Variants in E2F3 observed in about 807,000 individuals in gnomAD.
E2F3 encodes the protein transcription factor E2F3.
Under a neutral mutation model 44.4 loss-of-function variants are expected in E2F3, and 11 were observed. The ratio of observed to expected loss-of-function variants is 0.25; its 90% CI spans 0.16 to 0.41. The LOEUF (loss-of-function observed/expected upper bound fraction) is 0.41, where lower values mean the gene tolerates loss of function less well. E2F3 is among the 10% of genes least tolerant of loss of function. The pLI is 1.00. For synonymous variants in E2F3, 249 were observed against 253.0 expected (o/e 0.98, Z 0.15); for missense variants, 487 against 583.6 (o/e 0.83, Z 1.70).
chr6:20,415,217 CAG>C (rs1297399270), intron 1 of E2F3, among the ~76,000 whole-genome samples: 18 of 152,094 alleles, frequency 1.2e-4, no homozygotes, highest in African/African-American at 4.1e-4. Context: ...CATCTGGAGA[CAG>C]GGAGACGACA....
intron 1 of E2F3, among the ~76,000 whole-genome samples, chr6:20,406,905 A>G (rs930705338): frequency 6.6e-6 from 1 of 152,252 alleles, no homozygotes; most frequent in Non-Finnish European, 1.5e-5. Context: ...AATGGAGCAG[A>G]CAAGGCTTCA....
intron 1 of E2F3, among the ~76,000 whole-genome samples, chr6:20,418,860 A>T (rs1012133777): frequency 8.6e-5 from 13 of 151,978 alleles, no homozygotes; most frequent in African/African-American, 3.1e-4. Flanking sequence ...TTGTAAGAAA[A>T]TACTTGTTTT....
At chr6:20,439,095 C>T (rs1423504727) in intron 1 of E2F3, among the ~76,000 whole-genome samples, 2 of 152,050 alleles carry the variant, frequency 1.3e-5, no homozygotes, top group South Asian at 2.1e-4. Context: ...TAAGGTTTTC[C>T]GAAACATTCA....
At chr6:20,475,002 A>G (rs1325381404) in intron 1 of E2F3, among the ~76,000 whole-genome samples, 1 of 152,202 alleles carries the variant, frequency 6.6e-6, no homozygotes, top group Admixed American at 6.5e-5. Context: ...CAGTTTGTAG[A>G]GCCTATAAGT....
rs80068452 is a variant in E2F3, at chr6:20,456,179, G to A, written c.394-23667G>A. ...GATTAGGATGTGAAACTTCAGATACGCTCACAGGCCTTCAAGCCCTAGAAA... is the reference window on the plus strand; with the variant it reads ...GATTAGGATGTGAAACTTCAGATACACTCACAGGCCTTCAAGCCCTAGAAA... On this transcript the variant is annotated intron_variant, in intron 1 of 6. Coordinates refer to ENST00000346618, the MANE Select transcript of E2F3 (RefSeq NM_001949.5). Among the ~76,000 whole-genome samples the A allele has an allele frequency of 6.9e-3, 1,051 of 151,918 alleles. 5 individuals carry two copies. Among genetic ancestry groups the A allele is most frequent in the African/African-American group, 0.023 (971 of 41,436 alleles).
intron 1 of E2F3, among the ~76,000 whole-genome samples, chr6:20,438,767 C>T (rs1324230049): frequency 2.0e-5 from 3 of 152,166 alleles, no homozygotes; most frequent in Non-Finnish European, 4.4e-5. Context: ...GATTTTTAGG[C>T]ATGAATTATC....
rs115266739 is a variant in E2F3, at chr6:20,407,423, G to A, written c.393+4798G>A. ...AGGATTTTTTGTTTTTCTATAAATC[G>A]CCACCTTGTGTATTACTTGGAAGAA... On this transcript the variant is annotated intron_variant, in intron 1 of 6. Transcript: ENST00000346618. Among the ~76,000 whole-genome samples the A allele has an allele frequency of 4.5e-3, 688 of 152,154 alleles. 4 individuals carry two copies. The highest frequency in any genetic ancestry group is 8.6e-3 in the Admixed American group (131 of 15,284).
chr6:20,439,072 G>C (rs764852849), intron 1 of E2F3, among the ~76,000 whole-genome samples: 10 of 152,176 alleles, frequency 6.6e-5, no homozygotes, highest in Non-Finnish European at 1.2e-4. Context: ...AAGAGATTTA[G>C]AAGTTGATGG....
intron 1 of E2F3, among the ~76,000 whole-genome samples, chr6:20,444,644 T>A (rs909982895): frequency 6.6e-6 from 1 of 152,238 alleles, no homozygotes; most frequent in Admixed American, 6.5e-5. Flanking sequence ...GCATGGCTCC[T>A]TTCGTTGCTG....
At chr6:20,412,604 C>A (rs1480820720) in intron 1 of E2F3, among the ~76,000 whole-genome samples, 1 of 139,444 alleles carries the variant, frequency 7.2e-6, no homozygotes, top group Non-Finnish European at 1.5e-5. Context: ...AAGGGCTGGG[C>A]GGGGAGTAGA....
chr6:20,490,561 A>C lies in E2F3; in HGVS notation c.*131A>C. On this transcript the variant is annotated 3_prime_UTR_variant, in exon 7 of 7. Coordinates refer to ENST00000346618, the MANE Select transcript of E2F3 (RefSeq NM_001949.5). The surrounding 1 kb of genome is among the most constrained non-coding windows in gnomAD (Gnocchi z 4.3). ...TATCATGAAGTAAACTACAAACTTC[A>C]GAAGAAAGCTGACATTTTAATGAAT... 1 of 914,082 alleles carries C rather than the reference A, an allele frequency of 1.1e-6. No homozygotes were observed. The highest frequency in any genetic ancestry group is 1.5e-6 in the Non-Finnish European group (1 of 651,542). The allele number at this position is 914,082 out of a possible 1,614,324, so 56.6% of individuals were successfully genotyped here.
chr6:20,402,464 G>T lies in E2F3; in HGVS notation c.232G>T (p.Ala78Ser). The T allele has an allele frequency of 6.2e-7, 1 of 1,609,562 alleles. No individual in the cohort carries two copies. ...CTGTTCCTCCTCCCTCCAAAGCGGC[G>T]CCGTAGCCGCCGGCCCCCTCCTCCC... ...TSCSSSLQSG[A>S]VAAGPLLPSA... Residue 78 changes from alanine to serine, a missense_variant, in exon 1 of 7, where the codon GCC becomes TCC. This residue lies in a region of E2F3 where 238 missense variants were observed against 236.0 expected (regional missense o/e 1.01). Coordinates refer to ENST00000346618, the MANE Select transcript of E2F3 (RefSeq NM_001949.5). This position sits in a 1 kb window ranked among gnomAD's most constrained non-coding sequence, Gnocchi z 5.6.
At chr6:20,404,315 T>C (rs754190027) in intron 1 of E2F3, among the ~76,000 whole-genome samples, 22 of 152,190 alleles carry the variant, frequency 1.4e-4, no homozygotes, top group Non-Finnish European at 2.9e-5. Flanking sequence ...TTTTTGTTGG[T>C]ACTAGAAAGA....
chr6:20,403,854 G>A (rs969091903), intron 1 of E2F3: 2 of 1,423,460 alleles, frequency 1.4e-6, no homozygotes, highest in Non-Finnish European at 1.9e-6. Flanking sequence ...GGACGGCTCG[G>A]GGGCCGCCGA....
At chr6:20,460,996 CAAAAAAAAAAAAAAAA>C (rs61306918) in intron 1 of E2F3, among the ~76,000 whole-genome samples, 810 of 55,532 alleles carry the variant, frequency 0.015, 20 homozygotes, top group African/African-American at 0.058. Flanking sequence ...ACTCTATCTC[CAAAAAAAAAAAAAAAA>C]AAAAAAAAAA....
At chr6:20,489,032 C>A (rs1762481737) in intron 6 of E2F3, among the ~76,000 whole-genome samples, 1 of 152,066 alleles carries the variant, frequency 6.6e-6, no homozygotes, top group Non-Finnish European at 1.5e-5. Context: ...ACTTCTCCTT[C>A]CCGCTCTGCA....
intron 1 of E2F3, among the ~76,000 whole-genome samples, chr6:20,409,147 A>G (rs1446235403): frequency 1.3e-5 from 2 of 152,204 alleles, no homozygotes; most frequent in South Asian, 2.1e-4. Flanking sequence ...TGAACCCTAT[A>G]TGGGAAAATT....
At chr6:20,462,912 T>G (rs999766856) in intron 1 of E2F3, among the ~76,000 whole-genome samples, 3 of 111,198 alleles carry the variant, frequency 2.7e-5, no homozygotes, top group Non-Finnish European at 3.4e-5. Flanking sequence ...AGGGTCTCAC[T>G]GTATCACCCA....
rs535263252 is a variant in E2F3, at chr6:20,485,300, G to A, written c.885-1389G>A. Among the ~76,000 whole-genome samples, 6 of 152,206 alleles carry A rather than the reference G, an allele frequency of 3.9e-5. No homozygotes were observed. The East Asian group carries it at 7.7e-4, about 20-fold the overall frequency. On this transcript the variant is annotated intron_variant, in intron 4 of 6. Coordinates refer to ENST00000346618, the MANE Select transcript of E2F3 (RefSeq NM_001949.5). ...GTGCTTAGAAAAAATGACCAAGGCC[G>A]GGCGCCGTGGCTCACACCTGTAATC...
Sources: allele counts gnomAD v4.1 joint callset (sites outside exome capture counted in the v4.1 genomes callset), GRCh38; gene constraint gnomAD v4.1.1; regional missense constraint gnomAD v4.1.1; non-coding constraint Gnocchi (gnomAD v3.1); transcripts MANE v1.5; gene names NCBI Gene and HGNC (gene_info 2026-07-23, HGNC 2026-07-21).